The following WDFY3 variants were observed in gnomAD, a reference collection of about 807,000 sequenced individuals.
WDFY3 encodes the protein WD repeat and FYVE domain-containing protein 3.
In WDFY3, 66 loss-of-function variants were observed where a neutral mutation model predicts 409.6. That is an observed-to-expected ratio of 0.16 (90% confidence interval 0.13 to 0.20). The LOEUF is 0.20. Ranked by LOEUF, WDFY3 falls within the 10% of genes least tolerant of loss-of-function variation. WDFY3 has a pLI of 1.00. For missense variants in WDFY3, 3,031 were observed against 4,298.1 expected, an observed-to-expected ratio of 0.71 and a Z score of 8.24; for synonymous variants, 1,521 against 1,537.1, an observed-to-expected ratio of 0.99 and a Z score of 0.25.
At chr4:84,964,423 C>A (rs528492512) in intron 1 of WDFY3, among the ~76,000 whole-genome samples, 1 of 152,270 alleles carries the variant, frequency 6.6e-6, no homozygotes, top group East Asian at 1.9e-4. Flanking sequence ...GAACCGTGAT[C>A]GTGCCACTAC....
At chr4:84,709,196 T>C (rs1732487117) in intron 52 of WDFY3, 97 bp downstream of exon 52, 6 of 1,402,476 alleles carry the variant, frequency 4.3e-6, no homozygotes, top group East Asian at 4.6e-5. Flanking sequence ...ATTTTCTCTA[T>C]GGTATATATT....
intron 4 of WDFY3, among the ~76,000 whole-genome samples, chr4:84,856,779 C>A (rs1488703124): frequency 6.6e-6 from 1 of 152,136 alleles, no homozygotes; most frequent in South Asian, 2.1e-4. Context: ...CCATTTAGCT[C>A]TAATCAAGCA....
intron 3 of WDFY3, among the ~76,000 whole-genome samples, chr4:84,862,694 A>T (rs531902221): frequency 3.5e-4 from 52 of 150,722 alleles, no homozygotes; most frequent in South Asian, 3.4e-3. Flanking sequence ...TTCAAAAAAA[A>T]TTTTTTTTTT....
At chr4:84,719,408 G>C (rs1453693956) in intron 47 of WDFY3, among the ~76,000 whole-genome samples, 1 of 152,100 alleles carries the variant, frequency 6.6e-6, no homozygotes, top group Non-Finnish European at 1.5e-5. Flanking sequence ...CTTAAACTTA[G>C]TTCAACATGA....
intron 6 of WDFY3, 138 bp downstream of exon 6, chr4:84,841,016 G>GT: frequency 1.3e-6 from 1 of 741,524 alleles, no homozygotes; most frequent in Non-Finnish European, 2.1e-6. Context: ...ATGAAATAAT[G>GT]TTTTAAAAAA....
In WDFY3 at chr4:84,751,670, T is replaced by G; in HGVS notation, c.5786A>C (p.Lys1929Thr). 6.2e-7 allele frequency: 1 copy of G among 1,614,158 alleles called. No individual in the cohort carries two copies. Among genetic ancestry groups the G allele is most frequent in the Non-Finnish European group, 8.5e-7 (1 of 1,180,030 alleles). The change falls in exon 36 of 68, where the codon AAA (lysine) becomes ACA (threonine). Residue 1929 changes from lysine to threonine, a missense_variant. Physicochemically the swap from Lys to Thr is moderately conservative, Grantham distance 78. Transcript: ENST00000295888. ...CATCCCTGTGTCTGCTGCAAACGCT[T>G]TAAACTCTTCTGCTGGAGATCCAAC... ...DEVGSPAEEF[K>T]AFAADTGMNR...
chr4:84,806,989 A>G (rs962005459), intron 15 of WDFY3, among the ~76,000 whole-genome samples: 4 of 152,200 alleles, frequency 2.6e-5, no homozygotes, highest in African/African-American at 4.8e-5. Context: ...AAAGGACTAA[A>G]TGTTTTTAAA....
chr4:84,776,973 A>C (rs1745659407), intron 27 of WDFY3, among the ~76,000 whole-genome samples: 1 of 152,130 alleles, frequency 6.6e-6, no homozygotes, highest in South Asian at 2.1e-4. Flanking sequence ...TTAGGGCTTG[A>C]ATTAAGATAT....
At chr4:84,939,027 C>T (rs1233599149) in intron 1 of WDFY3, among the ~76,000 whole-genome samples, 1 of 152,078 alleles carries the variant, frequency 6.6e-6, no homozygotes, top group Non-Finnish European at 1.5e-5. Context: ...CCAATAACAT[C>T]CTGCATGGTA....
chr4:84,779,202 T>C (rs932878709), intron 26 of WDFY3, among the ~76,000 whole-genome samples: 1 of 152,200 alleles, frequency 6.6e-6, no homozygotes, highest in Non-Finnish European at 1.5e-5. Context: ...GCTGCAATAA[T>C]CATTTTGAAA....
intron 1 of WDFY3, among the ~76,000 whole-genome samples, chr4:84,933,789 G>A (rs1205581511): frequency 2.0e-5 from 3 of 152,036 alleles, no homozygotes; most frequent in Admixed American, 2.0e-4. Context: ...TTGTCTTTCT[G>A]CACCTGGCTT....
chr4:84,875,934 T>C (rs1193711659), intron 3 of WDFY3, among the ~76,000 whole-genome samples: 1 of 152,208 alleles, frequency 6.6e-6, no homozygotes, highest in African/African-American at 2.4e-5. Context: ...GTCTTACAGT[T>C]AGTTTTCTTT....
At position 84,904,115 on chromosome 4, in the gene WDFY3, C is replaced by CA. The variant is rs1766695377; in HGVS notation, c.-131-7106dup. On this transcript the variant is annotated intron_variant, in intron 2 of 67. Transcript: ENST00000295888. ...CCTTTGCCTCTTCCACATGTGAGGA[C>CA]ACAGCAAGAAGGTCCTGTCTGTGAA... Among the ~76,000 whole-genome samples, 2 of 152,178 alleles carry CA rather than the reference C, an allele frequency of 1.3e-5. 1 individual carries two copies. The highest frequency in any genetic ancestry group is 4.8e-5 in the African/African-American group (2 of 41,434).
At chr4:84,877,040 G>C (rs886511315) in intron 3 of WDFY3, among the ~76,000 whole-genome samples, 2 of 152,114 alleles carry the variant, frequency 1.3e-5, no homozygotes, top group African/African-American at 4.8e-5. Context: ...TTAACATATA[G>C]CTAAGTATCT....
chr4:84,734,894 C>T lies in WDFY3; in HGVS notation c.6993+149G>A, dbSNP rs1406453712. ...ATCCTAAAATCAGTAGCCAAAGTAG[C>T]TGATGGCAGGAATAATTAAAACCAT... On this transcript the variant is annotated intron_variant, in intron 43 of 67. Coordinates refer to ENST00000295888, the MANE Select transcript of WDFY3 (RefSeq NM_014991.6). 4.6e-6 allele frequency: 3 copies of T among 653,430 alleles called. No homozygotes were observed. The East Asian group carries it at 9.2e-5, about 20-fold the overall frequency. 40.5% of individuals were successfully genotyped at this position (653,430 alleles called of 1,614,324 possible).
At chr4:84,952,513 T>C (rs544373536) in intron 1 of WDFY3, among the ~76,000 whole-genome samples, 4 of 152,304 alleles carry the variant, frequency 2.6e-5, no homozygotes, top group African/African-American at 9.6e-5. Context: ...ACAGAACTTT[T>C]ATTTTCTCTG....
At chr4:84,925,903 GT>G (rs1769913709) in intron 2 of WDFY3, among the ~76,000 whole-genome samples, 1 of 151,818 alleles carries the variant, frequency 6.6e-6, no homozygotes. Flanking sequence ...GGTTGAAGGT[GT>G]TTGGATGTTC....
intron 2 of WDFY3, among the ~76,000 whole-genome samples, chr4:84,914,843 T>C (rs747638562): frequency 9.9e-5 from 15 of 152,070 alleles, no homozygotes; most frequent in Non-Finnish European, 2.2e-4. Context: ...TTCAAAAGAG[T>C]TGAAAACAGT....
chr4:84,842,099 GTCTCTAAA>G (rs969882085), intron 5 of WDFY3, among the ~76,000 whole-genome samples: 1 of 152,120 alleles, frequency 6.6e-6, no homozygotes, highest in Non-Finnish European at 1.5e-5. Context: ...AAATGGAGAA[GTCTCTAAA>G]TCTGTATCTA....
Sources: gnomAD v4.1 joint callset for allele counts (sites outside exome capture counted in the v4.1 genomes callset) on GRCh38, gnomAD v4.1.1 for gene constraint, MANE v1.5 for transcripts, NCBI Gene and HGNC (gene_info 2026-07-23, HGNC 2026-07-21) for gene names.